UBR2: variants seen among roughly 807,000 people sequenced by gnomAD.
UBR2 encodes the protein E3 ubiquitin-protein ligase UBR2.
In UBR2, 92 loss-of-function variants were observed where a neutral mutation model predicts 247.9. The observed-to-expected ratio is 0.37, with a 90% CI of 0.31 to 0.44. UBR2 has a LOEUF of 0.44. Among genes scored for constraint, UBR2 ranks in the 20% least tolerant of loss-of-function variants. The pLI, the probability that UBR2 is intolerant of heterozygous loss-of-function variation, is 1.00. For missense variants in UBR2, 1,613 were observed against 2,112.6 expected (o/e 0.76, Z 4.64); for synonymous variants, 672 against 693.5 (o/e 0.97, Z 0.49).
rs1799847798 is a variant in UBR2, at chr6:42,693,459, T to G, written c.*2286T>G. 6.6e-6 allele frequency: 1 copy of G among 152,234 alleles called. No individual in the cohort carries two copies. The highest frequency in any genetic ancestry group is 2.1e-4 in the South Asian group (1 of 4,830). 9.4% of individuals were successfully genotyped at this position (152,234 alleles called of 1,614,324 possible). A position where few individuals can be genotyped will look rare whatever the true frequency, so the allele number is the denominator to read the frequency against. ...TGTAAAATTTGGAATGTATCATATG[T>G]AAAAAGTTTAAAGATATCCAAATAA... is the stretch of plus-strand genomic sequence containing the variant. On this transcript the variant is annotated 3_prime_UTR_variant, in exon 47 of 47. Coordinates refer to ENST00000372901, the MANE Select transcript of UBR2 (RefSeq NM_001363705.2).
intron 38 of UBR2, among the ~76,000 whole-genome samples, chr6:42,674,578 T>A (rs1385816725): frequency 2.0e-5 from 3 of 152,124 alleles, no homozygotes. Context: ...CTTGCCAACA[T>A]GGTGAAACCC....
chr6:42,631,860 T>TATATATATATA (rs1795733597), intron 11 of UBR2, among the ~76,000 whole-genome samples: 8 of 61,504 alleles, frequency 1.3e-4, no homozygotes, highest in Non-Finnish European at 2.1e-4. Context: ...TACTCTGATT[T>TATATATATATA]TATATATATA....
chr6:42,683,409 C>G (rs1207019154), intron 43 of UBR2, among the ~76,000 whole-genome samples: 3 of 152,028 alleles, frequency 2.0e-5, no homozygotes, highest in South Asian at 2.1e-4. Flanking sequence ...TTTTTTCTAT[C>G]TTTCATTATG....
chr6:42,675,985 T>A, intron 38 of UBR2, 71 bp from the exon 39 acceptor site: 1 of 1,500,786 alleles, frequency 6.7e-7, no homozygotes, highest in Non-Finnish European at 8.9e-7. Flanking sequence ...AAAGTAAAAG[T>A]AAGAAGATGG....
intron 13 of UBR2, among the ~76,000 whole-genome samples, chr6:42,633,260 T>A (rs1398252886): frequency 1.3e-5 from 2 of 152,264 alleles, no homozygotes; most frequent in South Asian, 2.1e-4. Flanking sequence ...AAAAGATCAA[T>A]TTGGATGGCT....
rs1278035392 is a variant in UBR2, at chr6:42,652,491, C to T, written c.2615C>T (p.Ala872Val). 2 of 1,595,258 alleles carry T rather than the reference C, an allele frequency of 1.3e-6. No individual in the cohort carries two copies. Among genetic ancestry groups the T allele is most frequent in the African/African-American group, 1.4e-5 (1 of 73,836 alleles). Residue 872 changes from alanine to valine, a missense_variant and splice_region_variant, in exon 25 of 47, where the codon GCA becomes GTA. Ala to Val is a moderately conservative substitution (Grantham distance 64). Coordinates refer to ENST00000372901, the MANE Select transcript of UBR2 (RefSeq NM_001363705.2). Reference sequence around the variant, plus strand: ...CCAATAATAACAACTGTATTTTCAGCACTCCCACCTCCGGTGTTGCCTCCA... The same window carrying T: ...CCAATAATAACAACTGTATTTTCAGTACTCCCACCTCCGGTGTTGCCTCCA... ...KLKRQNREDT[A>V]LPPPVLPPFC...
At chr6:42,670,918 G>A (rs1798385625) in intron 36 of UBR2, among the ~76,000 whole-genome samples, 1 of 152,204 alleles carries the variant, frequency 6.6e-6, no homozygotes, top group African/African-American at 2.4e-5. Context: ...GGGCGCAGTG[G>A]CCCACGCCTG....
intron 25 of UBR2, among the ~76,000 whole-genome samples, chr6:42,654,716 C>T (rs1480824485): frequency 6.6e-6 from 1 of 151,968 alleles, no homozygotes; most frequent in Non-Finnish European, 1.5e-5. Context: ...AGGGAGACTC[C>T]GTCTCAAAAA....
At chr6:42,672,599 G>A (rs1798511054) in intron 36 of UBR2, among the ~76,000 whole-genome samples, 2 of 151,928 alleles carry the variant, frequency 1.3e-5, no homozygotes, top group African/African-American at 2.4e-5. Context: ...CCACCCCTGT[G>A]GTCCAGACTT....
chr6:42,568,390 T>C (rs1052747613), intron 1 of UBR2, among the ~76,000 whole-genome samples: 9 of 152,190 alleles, frequency 5.9e-5, no homozygotes, highest in Non-Finnish European at 1.0e-4. Context: ...TTCAACATAT[T>C]GTCATTTGTG....
At position 42,594,274 on chromosome 6, in the gene UBR2, A is replaced by G. The variant is rs538766416; in HGVS notation, c.501A>G (p.Glu167=). The change falls in exon 4 of 47, where the codon GAA becomes GAG. Residue 167 remains glutamate (E), a synonymous_variant. Coordinates refer to ENST00000372901, the MANE Select transcript of UBR2 (RefSeq NM_001363705.2). ...WKEGPYCQKH[E]LNTSEIEEEE... The stretch of plus-strand genomic sequence containing the variant: ...AGGGTCCTTACTGTCAAAAACATGA[A>G]CTTAACACCTCTGAAATTGAGGAAG... 6.2e-7 allele frequency: 1 copy of G among 1,612,204 alleles called. No individual in the cohort carries two copies. The highest frequency in any genetic ancestry group is 1.7e-4 in the Middle Eastern group (1 of 6,046).
At chr6:42,679,121 TC>T (rs1410870152) in intron 41 of UBR2, among the ~76,000 whole-genome samples, 1 of 152,252 alleles carries the variant, frequency 6.6e-6, no homozygotes, top group Non-Finnish European at 1.5e-5. Context: ...ATAGTTGTTT[TC>T]CATGTTCTGT....
At chr6:42,655,430 G>GT in intron 25 of UBR2, among the ~76,000 whole-genome samples, 191 bp from the exon 26 acceptor site, 1 of 148,568 alleles carries the variant, frequency 6.7e-6, no homozygotes, top group Middle Eastern at 3.4e-3. Flanking sequence ...GTGAGCCTGG[G>GT]TGACAGGGCA....
chr6:42,680,888 C>G (rs1008785011), intron 42 of UBR2, among the ~76,000 whole-genome samples: 1 of 151,582 alleles, frequency 6.6e-6, no homozygotes, highest in East Asian at 2.0e-4. Context: ...GGGGCGGGGG[C>G]GCGGTGGCTC....
rs762200651 is a variant in UBR2 at position 42,689,595 on chromosome 6, T to C, written c.5051T>C (p.Leu1684Ser). ...LRVRECQVLF[L>S]AGKTKGCFYS... The stretch of plus-strand genomic sequence containing the variant: ...GTACGGGAATGTCAGGTGCTATTTT[T>C]AGCTGGCAAAACCAAAGGCTGTTTT... The change falls in exon 46 of 47, where the codon TTA (leucine) becomes TCA (serine). Residue 1684 changes from leucine (L) to serine (S), a missense_variant. Physicochemically the swap from Leu to Ser is moderately radical, Grantham distance 145 (BLOSUM62 -2). Coordinates refer to ENST00000372901, the MANE Select transcript of UBR2 (RefSeq NM_001363705.2). This position sits in a 1 kb window ranked among gnomAD's most constrained non-coding sequence, Gnocchi z 4.0. 1.9e-6 allele frequency: 3 copies of C among 1,614,188 alleles called. No homozygotes were observed. Among genetic ancestry groups the C allele is most frequent in the Non-Finnish European group, 2.5e-6 (3 of 1,180,004 alleles).
intron 32 of UBR2, 88 bp from the exon 33 acceptor site, chr6:42,665,321 C>A (rs1798044368): frequency 2.0e-6 from 2 of 1,007,686 alleles, no homozygotes; most frequent in South Asian, 1.9e-5. Flanking sequence ...TGGAGTGTGT[C>A]TAAAATATGC....
At chr6:42,624,418 G>T (rs948723707) in intron 11 of UBR2, among the ~76,000 whole-genome samples, 1 of 151,746 alleles carries the variant, frequency 6.6e-6, no homozygotes, top group African/African-American at 2.4e-5. Context: ...CTACCAAAGT[G>T]TTGGGATTAC....
At chr6:42,672,324 T>C (rs1202851155) in intron 36 of UBR2, among the ~76,000 whole-genome samples, 1 of 152,072 alleles carries the variant, frequency 6.6e-6, no homozygotes, top group Non-Finnish European at 1.5e-5. Context: ...TGAGCCACCA[T>C]TCCCGGCCTA....
In UBR2 at chr6:42,642,407, T is replaced by C; in HGVS notation, c.2032-9T>C. 6.3e-7 allele frequency: 1 copy of C among 1,583,892 alleles called. No individual in the cohort carries two copies. The highest frequency in any genetic ancestry group is 8.6e-7 in the Non-Finnish European group (1 of 1,160,530). On this transcript the variant is annotated splice_polypyrimidine_tract_variant and intron_variant, in intron 17 of 46. Transcript: ENST00000372901. ...ACTATTTACTCAATATAATTACTTT[T>C]TTTTTTAGATTTATTACTACCATAA...
Sources: allele counts gnomAD v4.1 joint callset (sites outside exome capture counted in the v4.1 genomes callset), GRCh38; gene constraint gnomAD v4.1.1; non-coding constraint Gnocchi (gnomAD v3.1); transcripts MANE v1.5; gene names NCBI Gene and HGNC (gene_info 2026-07-23, HGNC 2026-07-21).